RGS13: variants seen among roughly 807,000 people sequenced by gnomAD.
RGS13 encodes the protein regulator of G-protein signalling 13.
RGS13 carries 14 observed loss-of-function variants against 19.9 expected under a neutral mutation model. The ratio of observed to expected loss-of-function variants is 0.70; its 90% CI spans 0.46 to 1.10. The LOEUF is 1.10. Ranked by LOEUF, RGS13 falls within the 50% of genes least tolerant of loss-of-function variation. The pLI is 0.00. For synonymous variants in RGS13, 60 were observed against 56.8 expected, an observed-to-expected ratio of 1.06 and a Z score of -0.25; for missense variants, 205 against 187.1, an observed-to-expected ratio of 1.10 and a Z score of -0.56.
chr1:192,643,327 T>C (rs1463294203), intron 3 of RGS13, among the ~76,000 whole-genome samples: 2 of 152,196 alleles, frequency 1.3e-5, no homozygotes, highest in African/African-American at 4.8e-5. Context: ...AATAATTCAT[T>C]ATATATGTAT....
chr1:192,645,777 T>TA (rs1475570759), intron 4 of RGS13: 1 of 152,140 alleles, frequency 6.6e-6, no homozygotes, highest in African/African-American at 2.4e-5. Context: ...GGGGTTCAAT[T>TA]AAAAACAAAT....
At chr1:192,648,419 G>C (rs1429677179) in intron 5 of RGS13, among the ~76,000 whole-genome samples, 1 of 152,028 alleles carries the variant, frequency 6.6e-6, no homozygotes, top group Non-Finnish European at 1.5e-5. Context: ...ACTATACATG[G>C]GTCTGAATAT....
chr1:192,658,460 A>T (rs1434633181), intron 6 of RGS13, 93 bp downstream of exon 6: 2 of 1,131,962 alleles, frequency 1.8e-6, no homozygotes, highest in Non-Finnish European at 2.5e-6. Flanking sequence ...GGCACTTTAC[A>T]TCCAGTATCT....
At chr1:192,652,627 A>G (rs908377638) in intron 5 of RGS13, among the ~76,000 whole-genome samples, 2 of 152,016 alleles carry the variant, frequency 1.3e-5, no homozygotes, top group Non-Finnish European at 2.9e-5. Context: ...TTGCTTTCAG[A>G]AAACCAAAAA....
intron 4 of RGS13, chr1:192,647,558 T>C (rs1404541252): frequency 2.6e-5 from 4 of 153,698 alleles, no homozygotes; most frequent in South Asian, 2.1e-4. Context: ...TAAACACACA[T>C]AGTGTGATTA....
chr1:192,656,020 C>T (rs1275247253), intron 5 of RGS13, among the ~76,000 whole-genome samples: 1 of 152,068 alleles, frequency 6.6e-6, no homozygotes, highest in Admixed American at 6.6e-5. Context: ...TCCAATCCAT[C>T]AGGAAGAAAG....
chr1:192,646,441 T>C (rs189369064), intron 4 of RGS13: 3 of 152,300 alleles, frequency 2.0e-5, no homozygotes, highest in Admixed American at 2.0e-4. Flanking sequence ...CAATTAAGAA[T>C]GCACCATAAA....
intron 6 of RGS13, chr1:192,659,050 TA>T: frequency 4.0e-6 from 1 of 251,658 alleles, no homozygotes; most frequent in Admixed American, 5.4e-5. Context: ...AGACTGCTAC[TA>T]AGAAACCACT....
chr1:192,646,912 C>T (rs965249818), intron 4 of RGS13: 2 of 152,094 alleles, frequency 1.3e-5, no homozygotes, highest in Non-Finnish European at 2.9e-5. Context: ...GCCAATTCAC[C>T]TCATGAAGCT....
chr1:192,651,255 G>A (rs1663329803), intron 5 of RGS13, among the ~76,000 whole-genome samples: 1 of 152,078 alleles, frequency 6.6e-6, no homozygotes, highest in African/African-American at 2.4e-5. Flanking sequence ...AGGTGAGGAA[G>A]GAACAGTGAC....
At chr1:192,641,256 A>AGAC (rs1421927925) in intron 3 of RGS13, among the ~76,000 whole-genome samples, 1 of 99,040 alleles carries the variant, frequency 1.0e-5, no homozygotes, top group African/African-American at 3.3e-5. Context: ...AAAGAAAGAA[A>AGAC]AGAAAGAAAG....
intron 6 of RGS13, 158 bp from the exon 7 acceptor site, chr1:192,659,180 T>C (rs1246224289): frequency 6.2e-6 from 3 of 481,846 alleles, no homozygotes; most frequent in Non-Finnish European, 1.1e-5. Context: ...GCAAAATGTT[T>C]ATTTTTTATA....
Position 192,659,653 on chromosome 1 carries a change from G to C in RGS13, c.*130G>C. ...AAATCAAACTATAAGTTGACTTTTA[G>C]TTCCTAAAAAGAAACATATTTCAAA... On this transcript the variant is annotated 3_prime_UTR_variant, in exon 7 of 7. Transcript: ENST00000391995. 1.5e-6 allele frequency: 1 copy of C among 662,000 alleles called. No homozygotes were observed. The highest frequency in any genetic ancestry group is 2.5e-6 in the Non-Finnish European group (1 of 393,008). The allele number at this position is 662,000 out of a possible 1,614,324, so 41.0% of individuals were successfully genotyped here.
chr1:192,640,807 A>G (rs1406641117), intron 3 of RGS13, among the ~76,000 whole-genome samples: 2 of 152,118 alleles, frequency 1.3e-5, no homozygotes, highest in Admixed American at 6.6e-5. Flanking sequence ...AATAGTAACT[A>G]TTTCCTGTAT....
At chr1:192,652,062 C>G (rs901926436) in intron 5 of RGS13, among the ~76,000 whole-genome samples, 1 of 152,074 alleles carries the variant, frequency 6.6e-6, no homozygotes, top group Non-Finnish European at 1.5e-5. Flanking sequence ...AGCAAGTGCT[C>G]TGAATCACAG....
intron 5 of RGS13, among the ~76,000 whole-genome samples, chr1:192,655,867 GAA>G (rs1202378991): frequency 1.4e-4 from 21 of 151,760 alleles, no homozygotes. Context: ...CGTGAAGACA[GAA>G]AAAAAGATAG....
intron 3 of RGS13, among the ~76,000 whole-genome samples, chr1:192,640,879 G>A (rs557716564): frequency 6.6e-6 from 1 of 152,020 alleles, no homozygotes; most frequent in African/African-American, 2.4e-5. Context: ...TCTTCTTCAG[G>A]AACCTGAAAT....
chr1:192,650,959 G>A (rs1310915867), intron 5 of RGS13, among the ~76,000 whole-genome samples: 1 of 151,982 alleles, frequency 6.6e-6, no homozygotes, highest in African/African-American at 2.4e-5. Flanking sequence ...GAACTCAGTA[G>A]GGAAGACAAG....
chr1:192,654,386 C>A (rs1404480091), intron 5 of RGS13, among the ~76,000 whole-genome samples: 1 of 149,926 alleles, frequency 6.7e-6, no homozygotes. Flanking sequence ...AAAAAAAGAC[C>A]CACAACTCTT....
Sources: allele counts gnomAD v4.1 joint callset (sites outside exome capture counted in the v4.1 genomes callset), GRCh38; gene constraint gnomAD v4.1.1; transcripts MANE v1.5; gene names NCBI Gene and HGNC (gene_info 2026-07-23, HGNC 2026-07-21).